Variants in KCNA6 observed in about 807,000 individuals in gnomAD.
KCNA6 encodes potassium voltage-gated channel subfamily A member 6, also known as human brain potassium channel-2.
In KCNA6, 17 loss-of-function variants were observed where a neutral mutation model predicts 29.5. The observed-to-expected ratio is 0.58, with a 90% CI of 0.39 to 0.86. The LOEUF (loss-of-function observed/expected upper bound fraction) is 0.86. Ranked by LOEUF, KCNA6 falls within the 40% of genes least tolerant of loss-of-function variation. The probability of loss-of-function intolerance (pLI) is 0.00; values close to 1 mark genes in which losing one functional copy is unlikely to be tolerated. For missense variants in KCNA6, 450 were observed against 703.4 expected (o/e 0.64, Z 4.07); for synonymous variants, 296 against 304.7 (o/e 0.97, Z 0.30).
In KCNA6 at chr12:4,811,884, A is replaced by C; in HGVS notation, c.*253A>C. The C allele has an allele frequency of 1.9e-6, 1 of 517,294 alleles. No homozygotes were observed. Among genetic ancestry groups the C allele is most frequent in the South Asian group, 3.0e-5 (1 of 33,830 alleles). The allele number at this position is 517,294 out of a possible 1,614,324, so 32.0% of individuals were successfully genotyped here. On this transcript the variant is annotated 3_prime_UTR_variant, in exon 1 of 1. Coordinates refer to ENST00000280684, the Ensembl canonical transcript of KCNA6. This position sits in a 1 kb window ranked among gnomAD's most constrained non-coding sequence, Gnocchi z 7.1. ...CACCCAATCATGCCCAGCTTCTGTCATATGAATGAGATATACATTTATGTC... is the reference window on the plus strand; with the variant it reads ...CACCCAATCATGCCCAGCTTCTGTCCTATGAATGAGATATACATTTATGTC...
chr12:4,835,914 C>G, the KCNA6 span, among the ~76,000 whole-genome samples: 2 of 150,444 alleles, frequency 1.3e-5, no homozygotes, highest in Non-Finnish European at 2.9e-5. Flanking sequence ...CCTAAGGTAG[C>G]TATGGAATAA....
At chr12:4,838,403 A>C in the KCNA6 span, among the ~76,000 whole-genome samples, 1 of 152,096 alleles carries the variant, frequency 6.6e-6, no homozygotes. Flanking sequence ...CACCTTACAC[A>C]CACTGGGGGC....
the KCNA6 span, among the ~76,000 whole-genome samples, chr12:4,833,275 C>A: frequency 6.6e-6 from 1 of 152,176 alleles, no homozygotes; most frequent in Non-Finnish European, 1.5e-5. Context: ...CTGGTCTCAC[C>A]TGTGCTTCCT....
chr12:4,809,861 C>T, exon 1 of KCNA6: 2 of 672,072 alleles, frequency 3.0e-6, no homozygotes, highest in Non-Finnish European at 4.8e-6. Flanking sequence ...CCAGACCCAG[C>T]CTTGCAGGGA....
the KCNA6 span, among the ~76,000 whole-genome samples, chr12:4,822,453 T>C: frequency 6.6e-6 from 1 of 152,070 alleles, no homozygotes; most frequent in Non-Finnish European, 1.5e-5. Flanking sequence ...GAAGGCTGCT[T>C]GCTGGGAGGA....
Position 4,810,092 on chromosome 12 carries a change from G to T in KCNA6, c.51G>T (p.Gly17=), listed in dbSNP as rs749224211. 1 of 1,565,804 alleles carries T rather than the reference G, an allele frequency of 6.4e-7. No individual in the cohort carries two copies. The highest frequency in any genetic ancestry group is 2.2e-5 in the East Asian group (1 of 44,524). Residue 17 remains glycine (G), a synonymous_variant, in exon 1 of 1, where the codon GGG becomes GGT. Coordinates refer to ENST00000280684, the Ensembl canonical transcript of KCNA6. The surrounding 1 kb of genome is among the most constrained non-coding windows in gnomAD (Gnocchi z 7.5). Reference sequence around the variant, plus strand: ...TGGCGGCGCCGGGGGAGGTCCGTGGGCCGGAGGGAGAGCAACAGGATGCGG... The same window carrying T: ...TGGCGGCGCCGGGGGAGGTCCGTGGTCCGGAGGGAGAGCAACAGGATGCGG...
chr12:4,842,859 A>G, the KCNA6 span, among the ~76,000 whole-genome samples: 1 of 152,176 alleles, frequency 6.6e-6, no homozygotes, highest in Non-Finnish European at 1.5e-5. Flanking sequence ...GTCTGGCCAC[A>G]GTGTAATGGA....
At chr12:4,829,438 C>T in the KCNA6 span, among the ~76,000 whole-genome samples, 1 of 152,132 alleles carries the variant, frequency 6.6e-6, no homozygotes, top group African/African-American at 2.4e-5. Flanking sequence ...TCTTATTGCT[C>T]GCTAAATATA....
chr12:4,827,663 G>A, the KCNA6 span, among the ~76,000 whole-genome samples: 3 of 152,214 alleles, frequency 2.0e-5, no homozygotes, highest in East Asian at 1.9e-4. Flanking sequence ...CGATTGTAGT[G>A]CCTAGGTCAC....
the KCNA6 span, among the ~76,000 whole-genome samples, chr12:4,819,546 G>C: frequency 2.5e-3 from 382 of 152,296 alleles, 2 homozygotes; most frequent in African/African-American, 8.4e-3. Flanking sequence ...CTCGTAGTTG[G>C]AAGAAGCCAG....
At chr12:4,838,857 C>T in the KCNA6 span, 5 of 152,324 alleles carry the variant, frequency 3.3e-5, no homozygotes, top group Admixed American at 3.3e-4. Context: ...GTCACCAATC[C>T]CATGGGACTA....
the KCNA6 span, among the ~76,000 whole-genome samples, chr12:4,833,931 A>AT: frequency 0.06 from 8,472 of 141,822 alleles, 402 homozygotes; most frequent in East Asian, 0.22. Context: ...TTTAAATTAA[A>AT]TTTTTTTTTT....
At chr12:4,818,442 A>T in the KCNA6 span, among the ~76,000 whole-genome samples, 1 of 152,228 alleles carries the variant, frequency 6.6e-6, no homozygotes, top group Non-Finnish European at 1.5e-5. Context: ...TGTCAAATGG[A>T]GGATAATAAT....
the KCNA6 span, among the ~76,000 whole-genome samples, chr12:4,818,827 T>C: frequency 1.4e-5 from 2 of 146,936 alleles, no homozygotes; most frequent in African/African-American, 5.2e-5. Context: ...TCCCTATGGG[T>C]CCCTGAAAGT....
rs575085809 is a variant in KCNA6, at chr12:4,811,721, T to C, written c.*90T>C. 3.5e-6 allele frequency: 5 copies of C among 1,428,212 alleles called. No individual in the cohort carries two copies. The highest frequency in any genetic ancestry group is 4.8e-6 in the Non-Finnish European group (5 of 1,047,602). The allele number at this position is 1,428,212 out of a possible 1,614,324, so 88.5% of individuals were successfully genotyped here. A position where few individuals can be genotyped will look rare whatever the true frequency, so the allele number is the denominator to read the frequency against. ...TTTCCACTACTCACTCTAGCTTCAG[T>C]TGACTTCTTGACTCTCTCCCCTACA... is the stretch of plus-strand genomic sequence containing the variant. On this transcript the variant is annotated 3_prime_UTR_variant, in exon 1 of 1. Coordinates refer to ENST00000280684, the Ensembl canonical transcript of KCNA6. The surrounding 1 kb of genome is among the most constrained non-coding windows in gnomAD (Gnocchi z 7.1).
chr12:4,809,544 G>A (rs1036974355), exon 1 of KCNA6: 7 of 152,700 alleles, frequency 4.6e-5, no homozygotes, highest in African/African-American at 1.7e-4. Flanking sequence ...CGGAGGCCGA[G>A]CCCCGCCAGG....
the KCNA6 span, among the ~76,000 whole-genome samples, chr12:4,826,724 A>C: frequency 7.2e-5 from 11 of 152,250 alleles, no homozygotes; most frequent in Admixed American, 1.3e-4. Flanking sequence ...TCAGATGTGC[A>C]GCTGGCTGCC....
the KCNA6 span, chr12:4,842,607 G>T: frequency 6.6e-6 from 1 of 152,354 alleles, no homozygotes; most frequent in South Asian, 2.1e-4. Context: ...ATGTCTTCAC[G>T]TGGCGGCAGG....
chr12:4,847,946 G>A, the KCNA6 span, among the ~76,000 whole-genome samples: 1 of 151,960 alleles, frequency 6.6e-6, no homozygotes, highest in Non-Finnish European at 1.5e-5. Context: ...TTCTCCAACT[G>A]CCTGTTTGAT....
Sources: allele counts gnomAD v4.1 joint callset (sites outside exome capture counted in the v4.1 genomes callset), GRCh38; gene constraint gnomAD v4.1.1; non-coding constraint Gnocchi (gnomAD v3.1); transcripts MANE v1.5; gene names NCBI Gene and HGNC (gene_info 2026-07-23, HGNC 2026-07-21).